The following KCNT2 variants were observed in gnomAD, a reference collection of about 807,000 sequenced individuals.
KCNT2 encodes potassium sodium-activated channel subfamily T member 2.
In KCNT2, 67 loss-of-function variants were observed where a neutral mutation model predicts 153.8. The ratio of observed to expected loss-of-function variants is 0.44; its 90% CI spans 0.36 to 0.53. The LOEUF (loss-of-function observed/expected upper bound fraction) is 0.53. Among genes scored for constraint, KCNT2 ranks in the 20% least tolerant of loss-of-function variants. The probability of loss-of-function intolerance (pLI) is 0.00; values close to 1 mark genes in which losing one functional copy is unlikely to be tolerated. For synonymous variants in KCNT2, 500 were observed against 458.8 expected, an observed-to-expected ratio of 1.09 and a Z score of -1.15; for missense variants, 975 against 1,354.8, an observed-to-expected ratio of 0.72 and a Z score of 4.40.
At chr1:196,524,243 T>A (rs996787998) in intron 1 of KCNT2, among the ~76,000 whole-genome samples, 1 of 152,136 alleles carries the variant, frequency 6.6e-6, no homozygotes, top group African/African-American at 2.4e-5. Context: ...ATTTCACACT[T>A]GAGTAAATTC....
At chr1:196,296,670 C>T (rs1660703546) in intron 22 of KCNT2, among the ~76,000 whole-genome samples, 1 of 152,072 alleles carries the variant, frequency 6.6e-6, no homozygotes. Flanking sequence ...TTAAAATAAA[C>T]TCACAAATAA....
Position 196,227,620 on chromosome 1 carries a change from A to C in KCNT2, c.*604T>G, listed in dbSNP as rs931483586. Reference sequence around the variant, plus strand: ...CTTCAATGTAATAAAACATGCTATGAACATCTCAAATTCTAAGATAAATAT... The same window carrying C: ...CTTCAATGTAATAAAACATGCTATGCACATCTCAAATTCTAAGATAAATAT... On this transcript the variant is annotated 3_prime_UTR_variant, in exon 28 of 28. Transcript: ENST00000294725. The C allele has an allele frequency of 3.3e-5, 5 of 152,542 alleles. No homozygotes were observed. Among genetic ancestry groups the C allele is most frequent in the Admixed American group, 2.0e-4 (3 of 15,274 alleles). 9.4% of individuals were successfully genotyped at this position (152,542 alleles called of 1,614,324 possible).
chr1:196,527,210 G>A (rs1462198258), intron 1 of KCNT2, among the ~76,000 whole-genome samples: 2 of 152,118 alleles, frequency 1.3e-5, no homozygotes, highest in African/African-American at 4.8e-5. Context: ...AAATCTTCTT[G>A]TAGAAGAAGC....
At chr1:196,499,318 C>T (rs963300114) in intron 1 of KCNT2, among the ~76,000 whole-genome samples, 2 of 152,206 alleles carry the variant, frequency 1.3e-5, no homozygotes, top group Non-Finnish European at 1.5e-5. Flanking sequence ...GTCCTAAATA[C>T]AGTCTTTTTC....
intron 12 of KCNT2, among the ~76,000 whole-genome samples, chr1:196,413,617 G>T (rs895685042): frequency 4.0e-5 from 6 of 151,498 alleles, no homozygotes; most frequent in African/African-American, 1.5e-4. Context: ...GTGCTTTATT[G>T]TTTTAAAATA....
At chr1:196,295,368 CTTA>C (rs1200025997) in intron 22 of KCNT2, among the ~76,000 whole-genome samples, 4 of 151,670 alleles carry the variant, frequency 2.6e-5, no homozygotes, top group African/African-American at 4.8e-5. Context: ...TTCTGTATGA[CTTA>C]TTATTGTTCA....
chr1:196,282,742 T>A (rs993651866), intron 23 of KCNT2, among the ~76,000 whole-genome samples: 7 of 152,236 alleles, frequency 4.6e-5, no homozygotes, highest in African/African-American at 1.7e-4. Flanking sequence ...CTTTTTTTAG[T>A]ATTAAGCTCT....
At chr1:196,425,827 C>T in intron 11 of KCNT2, 25 bp downstream of exon 11, 3 of 1,608,208 alleles carry the variant, frequency 1.9e-6, no homozygotes, top group Non-Finnish European at 2.5e-6. Flanking sequence ...CTGTAAGCTG[C>T]AAGATGAAAG....
At chr1:196,390,663 G>A (rs181490303) in intron 13 of KCNT2, among the ~76,000 whole-genome samples, 94 of 149,996 alleles carry the variant, frequency 6.3e-4, no homozygotes, top group African/African-American at 2.1e-3. Flanking sequence ...TGCCTTTACC[G>A]AATACTTGCA....
At chr1:196,236,196 A>G in intron 26 of KCNT2, 126 bp from the exon 27 acceptor site, 1 of 640,242 alleles carries the variant, frequency 1.6e-6, no homozygotes, top group Non-Finnish European at 2.8e-6. Flanking sequence ...TGTCCACAGC[A>G]TGATTGTGCA....
At chr1:196,547,749 T>C (rs1657300794) in intron 1 of KCNT2, among the ~76,000 whole-genome samples, 1 of 151,910 alleles carries the variant, frequency 6.6e-6, no homozygotes, top group Non-Finnish European at 1.5e-5. Flanking sequence ...TCCTTATTTA[T>C]ATTTTTCTGT....
chr1:196,245,782 A>T (rs534286690), intron 26 of KCNT2, among the ~76,000 whole-genome samples: 88 of 152,276 alleles, frequency 5.8e-4, no homozygotes, highest in Admixed American at 2.6e-3. Flanking sequence ...AACTGGCTAT[A>T]TGAAAGTACG....
At chr1:196,252,594 A>T (rs1254908155) in intron 26 of KCNT2, among the ~76,000 whole-genome samples, 1 of 151,686 alleles carries the variant, frequency 6.6e-6, no homozygotes, top group African/African-American at 2.4e-5. Flanking sequence ...ACTAAAAACC[A>T]CACAATGTTA....
intron 1 of KCNT2, among the ~76,000 whole-genome samples, chr1:196,607,121 T>C (rs1049749389): frequency 6.6e-6 from 1 of 152,066 alleles, no homozygotes. Context: ...GGAGTTGGTA[T>C]TGGGAGCTGA....
intron 1 of KCNT2, among the ~76,000 whole-genome samples, chr1:196,557,171 C>T (rs1572821962): frequency 6.6e-6 from 1 of 151,140 alleles, no homozygotes; most frequent in Non-Finnish European, 1.5e-5. Flanking sequence ...AGAATAAATG[C>T]TTGAGGGTAT....
At chr1:196,504,471 A>T (rs1433936802) in intron 1 of KCNT2, among the ~76,000 whole-genome samples, 2 of 151,794 alleles carry the variant, frequency 1.3e-5, no homozygotes, top group Non-Finnish European at 2.9e-5. Flanking sequence ...CATTTTCTTA[A>T]TCCAGTCTAT....
intron 13 of KCNT2, among the ~76,000 whole-genome samples, chr1:196,384,967 C>T (rs1748509): frequency 0.99 from 150,962 of 152,140 alleles, 74,905 homozygotes; most frequent in Middle Eastern, 1. Context: ...GACAAATAGG[C>T]AGATGCTACT....
chr1:196,582,056 A>T lies in KCNT2; in HGVS notation c.95+26159T>A, dbSNP rs111342796. Reference sequence around the variant, plus strand: ...ACCAACATGTATGTATTTAATATTTACTTATCAACTTCTCTCCATATGCCA... The same window carrying T: ...ACCAACATGTATGTATTTAATATTTTCTTATCAACTTCTCTCCATATGCCA... On this transcript the variant is annotated intron_variant, in intron 1 of 27. Transcript: ENST00000294725. Among the ~76,000 whole-genome samples, 543 of 152,196 alleles carry T rather than the reference A, an allele frequency of 3.6e-3. 2 individuals are homozygous for T. Among genetic ancestry groups the T allele is most frequent in the African/African-American group, 0.012 (516 of 41,558 alleles).
At chr1:196,228,984 A>T (rs1653718286) in intron 27 of KCNT2, among the ~76,000 whole-genome samples, 1 of 152,142 alleles carries the variant, frequency 6.6e-6, no homozygotes, top group African/African-American at 2.4e-5. Context: ...AGTATAGAGA[A>T]TAATTCTTAA....
Sources: gnomAD v4.1 joint callset for allele counts (sites outside exome capture counted in the v4.1 genomes callset) on GRCh38, gnomAD v4.1.1 for gene constraint, MANE v1.5 for transcripts, NCBI Gene and HGNC (gene_info 2026-07-23, HGNC 2026-07-21) for gene names.